Variants in MBTD1 observed in about 807,000 individuals in gnomAD.
MBTD1 encodes mbt domain containing 1, also known as MBT domain-containing protein 1.
Under a neutral mutation model 87.8 loss-of-function variants are expected in MBTD1, and 24 were observed. That is an observed-to-expected ratio of 0.27 (90% CI 0.20 to 0.38). The LOEUF (loss-of-function observed/expected upper bound fraction) is 0.38, where lower values mean the gene tolerates loss of function less well. Ranked by LOEUF, MBTD1 falls within the 10% of genes least tolerant of loss-of-function variation. MBTD1 has a pLI of 1.00. For synonymous variants in MBTD1, 237 were observed against 248.6 expected (o/e 0.95, Z 0.44); for missense variants, 436 against 760.2 (o/e 0.57, Z 5.02).
intron 8 of MBTD1, among the ~76,000 whole-genome samples, chr17:51,203,533 G>A (rs4794212): frequency 0.1 from 15,560 of 152,032 alleles, 1,600 homozygotes; most frequent in African/African-American, 0.26. Flanking sequence ...TTCTGCCTCA[G>A]CCTCCTGAGT....
chr17:51,212,372 A>G (rs2052291474), intron 6 of MBTD1, among the ~76,000 whole-genome samples: 1 of 151,836 alleles, frequency 6.6e-6, no homozygotes, highest in Admixed American at 6.6e-5. Context: ...AAAAAAAGAA[A>G]AGAAAAGAAA....
intron 3 of MBTD1, among the ~76,000 whole-genome samples, chr17:51,221,947 A>G (rs1188575981): frequency 6.6e-6 from 1 of 152,192 alleles, no homozygotes; most frequent in Non-Finnish European, 1.5e-5. Context: ...AAAAAGATAA[A>G]AATGCCAGAA....
At chr17:51,221,183 A>C (rs1284049688) in intron 3 of MBTD1, among the ~76,000 whole-genome samples, 2 of 152,208 alleles carry the variant, frequency 1.3e-5, no homozygotes, top group Non-Finnish European at 2.9e-5. Flanking sequence ...CTGTAGTCCC[A>C]GCTATTCAGG....
In MBTD1 at chr17:51,179,482, TTTTATATATATATATATA is replaced by T. The variant is rs1475306157; in HGVS notation, c.*1076_*1093del. On this transcript the variant is annotated 3_prime_UTR_variant, in exon 17 of 17. Coordinates refer to ENST00000586178, the MANE Select transcript of MBTD1 (RefSeq NM_017643.3). ...AAATCCTGAATACAATTAAAGACAA[TTTTATATATATATATATA>T]TATATATATATATATATATATATAT... 4.5e-3 allele frequency: 144 copies of T among 31,650 alleles called. 12 individuals carry two copies. The highest frequency in any genetic ancestry group is 0.02 in the African/African-American group (114 of 5,720). 2.0% of individuals were successfully genotyped at this position (31,650 alleles called of 1,614,324 possible).
intron 2 of MBTD1, among the ~76,000 whole-genome samples, chr17:51,255,851 G>T (rs1167425828): frequency 6.6e-6 from 1 of 152,028 alleles, no homozygotes; most frequent in Admixed American, 6.6e-5. Flanking sequence ...GCCTGTCCTG[G>T]GCTCTCAAAG....
At chr17:51,229,399 G>A (rs1303202993) in intron 2 of MBTD1, among the ~76,000 whole-genome samples, 1 of 151,828 alleles carries the variant, frequency 6.6e-6, no homozygotes, top group Non-Finnish European at 1.5e-5. Flanking sequence ...AACAAAGCTA[G>A]TATTACATGA....
chr17:51,207,097 T>C (rs2051887230), intron 6 of MBTD1, 92 bp from the exon 7 acceptor site: 2 of 617,358 alleles, frequency 3.2e-6, no homozygotes, highest in East Asian at 5.5e-5. Flanking sequence ...ATAATAGGAA[T>C]ATTAAACTAA....
At chr17:51,260,429 G>T, upstream of MBTD1, 1 of 784,424 alleles carries the variant, frequency 1.3e-6, no homozygotes. Flanking sequence ...AGGGGAGCGG[G>T]AGTTACGTAG....
At chr17:51,202,574 TAGA>T (rs1258184683) in intron 10 of MBTD1, 124 bp downstream of exon 10, 10 of 708,430 alleles carry the variant, frequency 1.4e-5, no homozygotes, top group Non-Finnish European at 2.4e-5. Flanking sequence ...CTAATTAAGG[TAGA>T]AGAAGCAGCC....
chr17:51,250,078 T>TC (rs1326639777), intron 2 of MBTD1: 2 of 151,504 alleles, frequency 1.3e-5, no homozygotes, highest in African/African-American at 4.9e-5. Flanking sequence ...ACTTTTTTTT[T>TC]TTTTTTTGTA....
In MBTD1 at chr17:51,225,147, A is replaced by G. The variant is rs370450086; in HGVS notation, c.15T>C (p.Tyr5=). Residue 5 remains tyrosine (Y), a synonymous_variant, in exon 3 of 17, where the codon TAT becomes TAC. Coordinates refer to ENST00000586178, the MANE Select transcript of MBTD1 (RefSeq NM_017643.3). MFDG[Y]DSCSEDTSSS... ...TGCTTGTGTCCTCACTGCAGCTATCATAACCGTCAAACATCCCGAAAGAAT... is the reference window on the plus strand; with the variant it reads ...TGCTTGTGTCCTCACTGCAGCTATCGTAACCGTCAAACATCCCGAAAGAAT... 34 of 1,547,086 alleles carry G rather than the reference A, an allele frequency of 2.2e-5. No individual in the cohort carries two copies. The African/African-American group carries it at 3.0e-4, about 14-fold the overall frequency.
intron 4 of MBTD1, among the ~76,000 whole-genome samples, chr17:51,219,929 A>C (rs944433252): frequency 1.3e-5 from 2 of 152,264 alleles, no homozygotes; most frequent in Admixed American, 1.3e-4. Flanking sequence ...AAAAAGTACA[A>C]AGCGAGGACG....
At chr17:51,248,123 T>C (rs73988579) in intron 2 of MBTD1, among the ~76,000 whole-genome samples, 67 of 152,332 alleles carry the variant, frequency 4.4e-4, no homozygotes, top group African/African-American at 1.5e-3. Flanking sequence ...CTTTCCCCAC[T>C]TGGTTAAATT....
At chr17:51,228,335 A>C (rs1399933738) in intron 2 of MBTD1, among the ~76,000 whole-genome samples, 2 of 152,138 alleles carry the variant, frequency 1.3e-5, no homozygotes, top group African/African-American at 4.8e-5. Context: ...CATGACACAC[A>C]TTTACCCACG....
In MBTD1 at chr17:51,197,075, T is replaced by G. The variant is rs1472663242; in HGVS notation, c.1225-1714A>C. The stretch of plus-strand genomic sequence containing the variant: ...ATATATATATATATATATATATATA[T>G]ATATATATATATATATATATATATA... On this transcript the variant is annotated intron_variant, in intron 12 of 16. Transcript: ENST00000586178. Among the ~76,000 whole-genome samples the G allele has an allele frequency of 5.6e-3, 52 of 9,368 alleles. 3 individuals are homozygous for G. Among genetic ancestry groups the G allele is most frequent in the African/African-American group, 0.044 (43 of 982 alleles). The allele number at this position is 9,368 out of a possible 152,430, so 6.1% of individuals were successfully genotyped here.
intron 2 of MBTD1, among the ~76,000 whole-genome samples, chr17:51,227,435 C>T (rs748648934): frequency 3.3e-5 from 5 of 151,958 alleles, no homozygotes; most frequent in Admixed American, 6.6e-5. Context: ...GTGGCTTGCA[C>T]CTGTGGTCCC....
chr17:51,218,836 CTAGT>C (rs2052727607), intron 5 of MBTD1, 90 bp downstream of exon 5: 5 of 744,784 alleles, frequency 6.7e-6, no homozygotes, highest in East Asian at 5.4e-5. Context: ...ATAGAAACAG[CTAGT>C]TAAACAGAAT....
chr17:51,260,537 C>G, upstream of MBTD1: 1 of 1,564,348 alleles, frequency 6.4e-7, no homozygotes, highest in Non-Finnish European at 8.6e-7. Flanking sequence ...TGGGCGCATG[C>G]GCAGCGAGGT....
intron 10 of MBTD1, 39 bp from the exon 11 acceptor site, chr17:51,202,116 T>C: frequency 7.4e-7 from 1 of 1,345,316 alleles, no homozygotes; most frequent in Non-Finnish European, 1.1e-6. Flanking sequence ...TCAGCATTTG[T>C]GAGAAGACCA....
Sources: allele counts gnomAD v4.1 joint callset (sites outside exome capture counted in the v4.1 genomes callset), GRCh38; gene constraint gnomAD v4.1.1; transcripts MANE v1.5; gene names NCBI Gene and HGNC (gene_info 2026-07-23, HGNC 2026-07-21).